LRP1B: variants seen among roughly 807,000 people sequenced by gnomAD.
LRP1B encodes low-density lipoprotein receptor-related protein 1B.
LRP1B carries 217 observed loss-of-function variants against 556.6 expected under a neutral mutation model. That is an observed-to-expected ratio of 0.39 (90% confidence interval 0.35 to 0.44). The LOEUF is 0.44. Among genes scored for constraint, LRP1B ranks in the 20% least tolerant of loss-of-function variants. The pLI is 1.00. For missense variants in LRP1B, 5,053 were observed against 5,620.8 expected (o/e 0.90, Z 3.23); for synonymous variants, 2,047 against 1,865.8 (o/e 1.10, Z -2.50).
At chr2:142,097,033 T>C (rs941056909) in intron 1 of LRP1B, among the ~76,000 whole-genome samples, 2 of 143,852 alleles carry the variant, frequency 1.4e-5, no homozygotes, top group African/African-American at 5.1e-5. Context: ...TATCACAGTC[T>C]ACAGTTTGCT....
chr2:140,294,255 A>C (rs1018780591), intron 84 of LRP1B, among the ~76,000 whole-genome samples: 1 of 152,250 alleles, frequency 6.6e-6, no homozygotes, highest in Non-Finnish European at 1.5e-5. Flanking sequence ...GCTCTAGTTG[A>C]ACCACATACA....
At chr2:141,269,579 C>T (rs1480217787) in intron 3 of LRP1B, among the ~76,000 whole-genome samples, 1 of 152,086 alleles carries the variant, frequency 6.6e-6, no homozygotes, top group Non-Finnish European at 1.5e-5. Context: ...AGGGGTACAT[C>T]AGGGACTGCA....
intron 47 of LRP1B, among the ~76,000 whole-genome samples, chr2:140,529,432 A>AGGT (rs1553481398): frequency 1.0e-5 from 1 of 99,322 alleles, no homozygotes; most frequent in Non-Finnish European, 1.9e-5. Context: ...GAAGCTGAAA[A>AGGT]GGGGGGGGGG....
At chr2:140,246,798 A>G (rs1192321381) in intron 87 of LRP1B, among the ~76,000 whole-genome samples, 2 of 151,424 alleles carry the variant, frequency 1.3e-5, no homozygotes, top group Non-Finnish European at 3.0e-5. Context: ...CGACTTTTTC[A>G]GCTGATGAAT....
intron 11 of LRP1B, among the ~76,000 whole-genome samples, chr2:141,044,482 C>G (rs1435812437): frequency 2.6e-4 from 39 of 149,846 alleles, no homozygotes; most frequent in Non-Finnish European, 4.9e-4. Flanking sequence ...AGTGAACAGG[C>G]AACCTACAAA....
intron 2 of LRP1B, among the ~76,000 whole-genome samples, chr2:141,731,833 G>A (rs572073484): frequency 6.6e-6 from 1 of 152,224 alleles, no homozygotes; most frequent in South Asian, 2.1e-4. Flanking sequence ...AAGATCTTAA[G>A]TTGGTGTCTG....
intron 2 of LRP1B, among the ~76,000 whole-genome samples, chr2:141,795,980 G>T (rs1191004863): frequency 2.1e-5 from 3 of 145,692 alleles, no homozygotes; most frequent in African/African-American, 7.6e-5. Flanking sequence ...GGTTGCAGAG[G>T]TTCAGTTTAT....
chr2:140,556,222 A>G (rs1680726803), intron 43 of LRP1B, among the ~76,000 whole-genome samples: 1 of 152,062 alleles, frequency 6.6e-6, no homozygotes, highest in Non-Finnish European at 1.5e-5. Flanking sequence ...CAAGCCATAA[A>G]TGAATTATCT....
At chr2:141,072,331 C>G (rs149147631) in intron 7 of LRP1B, among the ~76,000 whole-genome samples, 39 of 152,142 alleles carry the variant, frequency 2.6e-4, no homozygotes, top group African/African-American at 7.9e-4. Flanking sequence ...TATTTCGGTA[C>G]CCAGGTTTCT....
intron 1 of LRP1B, among the ~76,000 whole-genome samples, chr2:142,058,643 C>T (rs1704774070): frequency 6.6e-6 from 1 of 152,044 alleles, no homozygotes; most frequent in Non-Finnish European, 1.5e-5. Flanking sequence ...CCAGGGAAGC[C>T]AAATGATTGG....
intron 2 of LRP1B, among the ~76,000 whole-genome samples, chr2:141,553,490 G>T (rs72976078): frequency 1.3e-5 from 2 of 150,956 alleles, no homozygotes; most frequent in Non-Finnish European, 3.0e-5. Context: ...ATTTTTTCTC[G>T]GTCAACAGGC....
At position 141,899,012 on chromosome 2, in the gene LRP1B, T is replaced by C. The variant is rs566969750; in HGVS notation, c.83-88611A>G. ...GCACAGATATACGTCTGCCAAATTG[T>C]TCTCTATCACTAAAATGTGTGTTTA... On this transcript the variant is annotated intron_variant, in intron 1 of 90. Transcript: ENST00000389484. Among the ~76,000 whole-genome samples the C allele has an allele frequency of 6.5e-4, 99 of 152,290 alleles. 1 individual carries two copies. The highest frequency in any genetic ancestry group is 2.0e-3 in the African/African-American group (84 of 41,580).
chr2:140,719,083 T>C (rs909561474), intron 35 of LRP1B, among the ~76,000 whole-genome samples: 1 of 152,142 alleles, frequency 6.6e-6, no homozygotes, highest in Non-Finnish European at 1.5e-5. Context: ...TCTCACAGAA[T>C]GTAATTTCTT....
At chr2:140,830,900 A>G (rs1191325913) in intron 31 of LRP1B, among the ~76,000 whole-genome samples, 1 of 152,136 alleles carries the variant, frequency 6.6e-6, no homozygotes, top group Non-Finnish European at 1.5e-5. Flanking sequence ...AGTGGCATTT[A>G]TATCAGCCAA....
rs374725285 is a variant in LRP1B, at chr2:141,616,059, G to A, written c.206-135526C>T. Among the ~76,000 whole-genome samples the A allele has an allele frequency of 2.5e-4, 38 of 152,158 alleles. 1 individual carries two copies. Among genetic ancestry groups the A allele is most frequent in the Middle Eastern group, 3.4e-3 (1 of 294 alleles). On this transcript the variant is annotated intron_variant, in intron 2 of 90. Transcript: ENST00000389484. ...AGCACTTTGGGAGGCCGAGATGGGCGGACCACGAGGTCAGGAGTTTGAGAC... is the reference window on the plus strand; with the variant it reads ...AGCACTTTGGGAGGCCGAGATGGGCAGACCACGAGGTCAGGAGTTTGAGAC...
intron 2 of LRP1B, among the ~76,000 whole-genome samples, chr2:141,707,882 T>A (rs959905062): frequency 2.0e-5 from 3 of 152,144 alleles, no homozygotes; most frequent in Non-Finnish European, 4.4e-5. Context: ...TTGTTCTAGG[T>A]GTTACATTTG....
At chr2:141,001,725 G>C (rs891857053) in intron 15 of LRP1B, among the ~76,000 whole-genome samples, 1 of 152,118 alleles carries the variant, frequency 6.6e-6, no homozygotes. Flanking sequence ...TTTATGGGTA[G>C]AGCAAAGGCA....
At chr2:141,909,446 C>T (rs1699844126) in intron 1 of LRP1B, among the ~76,000 whole-genome samples, 1 of 150,038 alleles carries the variant, frequency 6.7e-6, no homozygotes, top group Non-Finnish European at 1.5e-5. Flanking sequence ...TTACCTAAAA[C>T]TACCACAATA....
intron 35 of LRP1B, among the ~76,000 whole-genome samples, chr2:140,756,572 T>G (rs1289169450): frequency 1.3e-5 from 2 of 152,102 alleles, no homozygotes; most frequent in Non-Finnish European, 2.9e-5. Flanking sequence ...GATAATTTAA[T>G]AGTGGAAAGA....
Sources: gnomAD v4.1 joint callset for allele counts (sites outside exome capture counted in the v4.1 genomes callset) on GRCh38, gnomAD v4.1.1 for gene constraint, MANE v1.5 for transcripts, NCBI Gene and HGNC (gene_info 2026-07-23, HGNC 2026-07-21) for gene names.